The following CHEK1 variants were observed in gnomAD, a reference collection of about 807,000 sequenced individuals.
CHEK1 encodes the protein checkpoint kinase 1.
In CHEK1, 32 loss-of-function variants were observed where a neutral mutation model predicts 60.2. The ratio of observed to expected loss-of-function variants is 0.53; its 90% CI spans 0.40 to 0.71. The LOEUF is 0.71. CHEK1 is among the 30% of genes least tolerant of loss of function. The probability of loss-of-function intolerance (pLI) is 0.00; values close to 1 mark genes in which losing one functional copy is unlikely to be tolerated. For missense variants in CHEK1, 399 were observed against 564.6 expected (o/e 0.71, Z 2.97); for synonymous variants, 179 against 187.2 (o/e 0.96, Z 0.36).
In CHEK1 at chr11:125,629,251, T is replaced by C; in HGVS notation, c.309T>C (p.Pro103=). 3.1e-6 allele frequency: 5 copies of C among 1,614,194 alleles called. No individual in the cohort carries two copies. Among genetic ancestry groups the C allele is most frequent in the Non-Finnish European group, 3.4e-6 (4 of 1,180,016 alleles). Reference sequence around the variant, plus strand: ...TTTTAGAGCCAGACATAGGCATGCCTGAACCAGATGCTCAGAGATTCTTCC... The same window carrying C: ...TTTTAGAGCCAGACATAGGCATGCCCGAACCAGATGCTCAGAGATTCTTCC... The part of the protein sequence containing the change: ...FDRIEPDIGM[P]EPDAQRFFHQ... The change falls in exon 4 of 13, where the codon CCT becomes CCC. Residue 103 remains proline (P), a synonymous_variant. Transcript: ENST00000438015.
At chr11:125,658,674 C>T (rs2912098), downstream of CHEK1, among the ~76,000 whole-genome samples, 119,976 of 138,848 alleles carry the variant, frequency 0.86, 51,784 homozygotes, top group South Asian at 0.95. Context: ...TTAAAAGCTT[C>T]ATGGCTTTTG....
chr11:125,660,367 T>C (rs1941989622), downstream of CHEK1, among the ~76,000 whole-genome samples: 1 of 152,158 alleles, frequency 6.6e-6, no homozygotes, highest in Admixed American at 6.5e-5. Flanking sequence ...TGATTTGGAT[T>C]TGTGTATTTT....
rs1285136520 is a variant in CHEK1, at chr11:125,625,570, G to A, written c.-463G>A. The stretch of plus-strand genomic sequence containing the variant: ...CCTGTCCGGTGGCCTCACGCAGGTG[G>A]CGGTGCAGCCTTTCAGGCCCAGAGC... On this transcript the variant is annotated 5_prime_UTR_variant, in exon 1 of 13. Transcript: ENST00000438015. 2 of 589,284 alleles carry A rather than the reference G, an allele frequency of 3.4e-6. No homozygotes were observed. The highest frequency in any genetic ancestry group is 6.1e-6 in the Non-Finnish European group (2 of 330,050). The allele number at this position is 589,284 out of a possible 1,614,324, so 36.5% of individuals were successfully genotyped here. A position where few individuals can be genotyped will look rare whatever the true frequency, so the allele number is the denominator to read the frequency against.
chr11:125,627,632 A>G lies in CHEK1; in HGVS notation c.91A>G (p.Thr31Ala). 1 of 1,613,630 alleles carries G rather than the reference A, an allele frequency of 6.2e-7. No individual in the cohort carries two copies. ...AGTTCAACTTGCTGTGAATAGAGTA[A>G]CTGAAGAAGCAGTCGCAGTGAAGAT... Reference protein sequence around the residue: ...GEVQLAVNRVTEEAVAVKIVD... With the variant: ...GEVQLAVNRVAEEAVAVKIVD... The change falls in exon 3 of 13, where the codon ACT becomes GCT. Residue 31 changes from threonine (T) to alanine (A), a missense_variant. Coordinates refer to ENST00000438015, the MANE Select transcript of CHEK1 (RefSeq NM_001114122.3).
chr11:125,641,031 C>T (rs1036694707), intron 8 of CHEK1, among the ~76,000 whole-genome samples: 1 of 152,136 alleles, frequency 6.6e-6, no homozygotes, highest in Admixed American at 6.5e-5. Context: ...CCAGTGTATT[C>T]ACGTTCCATG....
At chr11:125,667,160 C>G (rs1306914337) in intron 13 of CHEK1, among the ~76,000 whole-genome samples, 3 of 152,092 alleles carry the variant, frequency 2.0e-5, no homozygotes, top group Admixed American at 6.6e-5. Context: ...CCATCTCTCT[C>G]TCTCCCTGCT....
downstream of CHEK1, chr11:125,678,170 TGAA>T (rs1458638477): frequency 1.2e-6 from 2 of 1,614,196 alleles, no homozygotes; most frequent in Admixed American, 3.3e-5. Context: ...TGTTCAGGCC[TGAA>T]GAAGTCTCAT....
chr11:125,678,315 C>T, downstream of CHEK1: 1 of 1,610,108 alleles, frequency 6.2e-7, no homozygotes, highest in Non-Finnish European at 8.5e-7. Context: ...GGAGAAGGAA[C>T]AGAAGAGAGT....
intron 13 of CHEK1, chr11:125,671,658 G>C (rs1352434148): frequency 1.3e-5 from 2 of 152,308 alleles, no homozygotes; most frequent in Non-Finnish European, 2.9e-5. Flanking sequence ...AGATCTTGCA[G>C]ATTTGGTTGT....
chr11:125,635,720 T>C (rs1182651407), intron 7 of CHEK1, 187 bp downstream of exon 7: 4 of 366,474 alleles, frequency 1.1e-5, no homozygotes, highest in East Asian at 9.2e-5. Flanking sequence ...AACTCTGCAA[T>C]AGATTTTTAA....
At chr11:125,654,519 C>T (rs1941841940) in intron 12 of CHEK1, among the ~76,000 whole-genome samples, 2 of 151,644 alleles carry the variant, frequency 1.3e-5, no homozygotes, top group Admixed American at 6.6e-5. Flanking sequence ...GAACCTTTAC[C>T]AGTTATAATA....
At chr11:125,643,235 T>C (rs1432701045) in intron 8 of CHEK1, 2 of 152,074 alleles carry the variant, frequency 1.3e-5, no homozygotes, top group African/African-American at 4.8e-5. Context: ...ATCCCAGCAC[T>C]TTGGGAGGCC....
chr11:125,644,021 T>A, intron 9 of CHEK1, 70 bp from the exon 10 acceptor site: 1 of 1,554,232 alleles, frequency 6.4e-7, no homozygotes. Context: ...AGAACTTGTG[T>A]GTGATATAAG....
At position 125,643,782 on chromosome 11, in the gene CHEK1, T is replaced by G; in HGVS notation, c.815-10T>G. 1 of 1,606,226 alleles carries G rather than the reference T, an allele frequency of 6.2e-7. No individual in the cohort carries two copies. Among genetic ancestry groups the G allele is most frequent in the Non-Finnish European group, 8.5e-7 (1 of 1,177,552 alleles). On this transcript the variant is annotated splice_polypyrimidine_tract_variant and intron_variant, in intron 8 of 12. Coordinates refer to ENST00000438015, the MANE Select transcript of CHEK1 (RefSeq NM_001114122.3). ...GACTTGAAAGCATTTGTATTTGTTT[T>G]CTTTTTTAGGGGCAAAAAGGCCCCG...
chr11:125,648,560 C>T (rs901857611), intron 11 of CHEK1, among the ~76,000 whole-genome samples: 16 of 147,868 alleles, frequency 1.1e-4, no homozygotes, highest in Admixed American at 2.0e-4. Context: ...CCAGCCTGGG[C>T]GACAGATCAA....
At chr11:125,677,610 T>A (rs1009975259), downstream of CHEK1, among the ~76,000 whole-genome samples, 8 of 152,158 alleles carry the variant, frequency 5.3e-5, no homozygotes, top group African/African-American at 1.7e-4. Flanking sequence ...CCATATTGTT[T>A]AGCTTTCAGG....
downstream of CHEK1, chr11:125,677,995 G>C: frequency 4.3e-6 from 7 of 1,613,562 alleles, no homozygotes; most frequent in South Asian, 4.4e-5. Flanking sequence ...TCACCTGAAG[G>C]CTGTTCTCCT....
rs2135969153 is a variant in CHEK1 at position 125,626,898 on chromosome 11, C to T, written c.65+65C>T. 7 of 1,517,380 alleles carry T rather than the reference C, an allele frequency of 4.6e-6. No homozygotes were observed. The South Asian group carries it at 5.6e-5, about 12-fold the overall frequency. The allele number at this position is 1,517,380 out of a possible 1,614,324, so 94.0% of individuals were successfully genotyped here. On this transcript the variant is annotated intron_variant, in intron 2 of 12. Coordinates refer to ENST00000438015, the MANE Select transcript of CHEK1 (RefSeq NM_001114122.3). ...ATTCATTGTTTTGGAGTCTCACACT[C>T]TGGTGATTTAGAAAGTAGATGTTTG...
At chr11:125,627,260 ACAGT>A (rs1353345011) in intron 2 of CHEK1, among the ~76,000 whole-genome samples, 37 of 152,322 alleles carry the variant, frequency 2.4e-4, no homozygotes, top group Admixed American at 2.0e-3. Context: ...GGAGCTTAGG[ACAGT>A]CAGTTACACA....
Sources: allele counts gnomAD v4.1 joint callset (sites outside exome capture counted in the v4.1 genomes callset), GRCh38; gene constraint gnomAD v4.1.1; transcripts MANE v1.5; gene names NCBI Gene and HGNC (gene_info 2026-07-23, HGNC 2026-07-21).